Variants in HERC4 observed in about 807,000 individuals in gnomAD.
The protein encoded by HERC4 is probable E3 ubiquitin-protein ligase HERC4.
A neutral mutation model predicts 124.3 loss-of-function variants in HERC4; 28 were observed. The observed-to-expected ratio is 0.23, with a 90% CI of 0.17 to 0.31. The LOEUF (loss-of-function observed/expected upper bound fraction) is 0.31, where lower values mean the gene tolerates loss of function less well. Ranked by LOEUF, HERC4 falls within the 10% of genes least tolerant of loss-of-function variation. The pLI is 1.00. For missense variants in HERC4, 713 were observed against 1,229.3 expected (o/e 0.58, Z 6.28); for synonymous variants, 407 against 421.5 (o/e 0.97, Z 0.42).
chr10:68,010,610 G>A lies in HERC4; in HGVS notation c.1069+3416C>T, dbSNP rs781716875. On this transcript the variant is annotated intron_variant, in intron 9 of 24. Transcript: ENST00000373700. ...TCTTTCAGGCCTGCACGAGGGTTTC[G>A]GCTTTGCATATCTCCTGAATATTTT... The A allele has an allele frequency of 1.9e-5, 26 of 1,351,754 alleles. No individual in the cohort carries two copies. The African/African-American group carries it at 2.2e-4, about 11-fold the overall frequency. The allele number at this position is 1,351,754 out of a possible 1,614,324, so 83.7% of individuals were successfully genotyped here.
intron 9 of HERC4, among the ~76,000 whole-genome samples, chr10:68,013,579 G>A (rs1443565512): frequency 1.3e-5 from 2 of 152,200 alleles, no homozygotes; most frequent in African/African-American, 4.8e-5. Context: ...CCAGGCACTA[G>A]GAAGAGGAGG....
At chr10:67,978,588 C>T (rs1289567575) in intron 15 of HERC4, among the ~76,000 whole-genome samples, 1 of 152,198 alleles carries the variant, frequency 6.6e-6, no homozygotes, top group Non-Finnish European at 1.5e-5. Context: ...GCTTTGCCAC[C>T]TGGTGATTGT....
chr10:67,923,526 T>C (rs188700929), intron 24 of HERC4, among the ~76,000 whole-genome samples: 254 of 152,314 alleles, frequency 1.7e-3, no homozygotes, highest in Non-Finnish European at 2.5e-3. Context: ...TTATTTTTTT[T>C]AAATCAGAAA....
At chr10:67,994,484 G>C (rs1331684992) in intron 9 of HERC4, 1 of 152,198 alleles carries the variant, frequency 6.6e-6, no homozygotes, top group Admixed American at 6.5e-5. Context: ...CCAGGCTGGA[G>C]TGCAGTGGCG....
At chr10:68,056,793 A>G (rs951511393) in intron 3 of HERC4, among the ~76,000 whole-genome samples, 4 of 152,222 alleles carry the variant, frequency 2.6e-5, no homozygotes, top group African/African-American at 9.6e-5. Flanking sequence ...AGGACCCAAT[A>G]GTTTAAAGTA....
chr10:67,940,709 T>C (rs2032809270), intron 20 of HERC4, among the ~76,000 whole-genome samples: 1 of 152,166 alleles, frequency 6.6e-6, no homozygotes, highest in Non-Finnish European at 1.5e-5. Flanking sequence ...TCTCCCAAAA[T>C]GCTAGGATTA....
intron 16 of HERC4, 55 bp downstream of exon 16, chr10:67,966,628 T>C: frequency 6.6e-7 from 1 of 1,526,110 alleles, no homozygotes; most frequent in Non-Finnish European, 8.8e-7. Flanking sequence ...TTGTTTCTTT[T>C]TTTATTAGAT....
At chr10:67,929,980 AT>A (rs2031608437) in intron 23 of HERC4, among the ~76,000 whole-genome samples, 1 of 151,914 alleles carries the variant, frequency 6.6e-6, no homozygotes, top group South Asian at 2.1e-4. Flanking sequence ...CTAATTTTGT[AT>A]TTTTAGTAGA....
intron 3 of HERC4, among the ~76,000 whole-genome samples, chr10:68,054,545 T>C (rs2040462645): frequency 2.0e-5 from 3 of 152,078 alleles, no homozygotes; most frequent in Admixed American, 2.0e-4. Context: ...GGTTTCACCA[T>C]GTTGGCCAGG....
chr10:68,016,445 C>T (rs1183587075), intron 8 of HERC4, among the ~76,000 whole-genome samples: 6 of 152,082 alleles, frequency 3.9e-5, no homozygotes, highest in East Asian at 1.9e-4. Flanking sequence ...CTCCGCCTCC[C>T]GGATTCAAGC....
At chr10:68,075,112 T>G (rs907253662) in intron 1 of HERC4, 32 bp downstream of exon 1, 1 of 153,090 alleles carries the variant, frequency 6.5e-6, no homozygotes, top group Non-Finnish European at 1.5e-5. Flanking sequence ...GCTGCTCCGC[T>G]GCTCCCCTCC....
At chr10:68,028,389 G>C (rs2039014577) in intron 7 of HERC4, among the ~76,000 whole-genome samples, 1 of 152,034 alleles carries the variant, frequency 6.6e-6, no homozygotes, top group Non-Finnish European at 1.5e-5. Flanking sequence ...ATTTTTTGCA[G>C]TCATTATTTC....
At chr10:68,037,568 T>C (rs1589388861) in intron 5 of HERC4, among the ~76,000 whole-genome samples, 5 of 152,296 alleles carry the variant, frequency 3.3e-5, no homozygotes, top group Admixed American at 2.6e-4. Flanking sequence ...AGTTCATCTA[T>C]GAGATTAAAT....
chr10:67,961,443 C>A (rs2034513326), intron 16 of HERC4: 1 of 152,390 alleles, frequency 6.6e-6, no homozygotes, highest in South Asian at 2.1e-4. Flanking sequence ...TGTCACCTTT[C>A]ATAAGGTGCT....
intron 9 of HERC4, among the ~76,000 whole-genome samples, chr10:68,006,227 T>G (rs1589300329): frequency 6.6e-6 from 1 of 152,200 alleles, no homozygotes; most frequent in African/African-American, 2.4e-5. Flanking sequence ...GTCTGTGTAC[T>G]TACTATTATC....
At chr10:68,049,572 CAG>C (rs2040182857) in intron 3 of HERC4, among the ~76,000 whole-genome samples, 1 of 100,634 alleles carries the variant, frequency 9.9e-6, no homozygotes, top group African/African-American at 4.3e-5. Flanking sequence ...GCCTGGGTGA[CAG>C]AGTGAGACAC....
Position 67,991,031 on chromosome 10 carries a change from G to GA in HERC4, c.1332-17dup. 12 of 1,030,206 alleles carry GA rather than the reference G, an allele frequency of 1.2e-5. No individual in the cohort carries two copies. Among genetic ancestry groups the GA allele is most frequent in the South Asian group, 6.5e-5 (3 of 46,242 alleles). The allele number at this position is 1,030,206 out of a possible 1,614,324, so 63.8% of individuals were successfully genotyped here. A position where few individuals can be genotyped will look rare whatever the true frequency, so the allele number is the denominator to read the frequency against. ...ATCATCATTGCTAAAAAACAGAAAA[G>GA]AAAAAAAAAAATAGAATAAAAATTT... On this transcript the variant is annotated splice_polypyrimidine_tract_variant and intron_variant, in intron 12 of 24. Transcript: ENST00000373700.
intron 22 of HERC4, among the ~76,000 whole-genome samples, chr10:67,935,949 T>C (rs1246053410): frequency 6.6e-6 from 1 of 152,184 alleles, no homozygotes; most frequent in Non-Finnish European, 1.5e-5. Flanking sequence ...TCCAAAAATG[T>C]TTGCTGCTGT....
chr10:67,958,659 T>C (rs935180201), intron 16 of HERC4, among the ~76,000 whole-genome samples: 2 of 152,216 alleles, frequency 1.3e-5, no homozygotes, highest in African/African-American at 4.8e-5. Context: ...GTGAGAAAGA[T>C]AATCATACAA....
Sources: gnomAD v4.1 joint callset for allele counts (sites outside exome capture counted in the v4.1 genomes callset) on GRCh38, gnomAD v4.1.1 for gene constraint, MANE v1.5 for transcripts, NCBI Gene and HGNC (gene_info 2026-07-23, HGNC 2026-07-21) for gene names.